Variants in ARID5B observed in about 807,000 individuals in gnomAD.
ARID5B encodes AT-rich interaction domain 5B, also known as AT-rich interactive domain-containing protein 5B.
A neutral mutation model predicts 97.2 loss-of-function variants in ARID5B; 13 were observed. The ratio of observed to expected loss-of-function variants is 0.13; its 90% confidence interval spans 0.09 to 0.21. ARID5B has a LOEUF of 0.21. ARID5B is among the 10% of genes least tolerant of loss of function. ARID5B has a pLI of 1.00. For synonymous variants in ARID5B, 556 were observed against 570.3 expected (o/e 0.97, Z 0.36); for missense variants, 1,210 against 1,465.3 (o/e 0.83, Z 2.84).
At chr10:61,978,636 T>G (rs867134748) in intron 3 of ARID5B, among the ~76,000 whole-genome samples, 1 of 152,120 alleles carries the variant, frequency 6.6e-6, no homozygotes, top group African/African-American at 2.4e-5. Flanking sequence ...TGAATGGGAG[T>G]TCACTCATGA....
chr10:62,089,366 T>C (rs974943032), intron 9 of ARID5B, among the ~76,000 whole-genome samples: 2 of 151,812 alleles, frequency 1.3e-5, no homozygotes, highest in African/African-American at 4.8e-5. Context: ...GTGAAATAGG[T>C]GTGATTTCTT....
At chr10:61,987,732 G>A (rs1838866773) in intron 3 of ARID5B, among the ~76,000 whole-genome samples, 1 of 152,152 alleles carries the variant, frequency 6.6e-6, no homozygotes, top group Non-Finnish European at 1.5e-5. Context: ...AACAGGTGTT[G>A]GGCTGAATTT....
Position 62,092,472 on chromosome 10 carries a change from G to T in ARID5B, c.3009G>T (p.Pro1003=). ...VHPILHRKMS[P]QNIGAARPIK... ...CAATCCTGCACCGGAAAATGAGCCC[G>T]CAGAACATTGGGGCGGCGCGGCCGA... The change falls in exon 10 of 10, where the codon CCG becomes CCT. Residue 1003 remains proline, a synonymous_variant. Transcript: ENST00000279873. The T allele has an allele frequency of 4.3e-6, 7 of 1,614,166 alleles. No individual in the cohort carries two copies. Among genetic ancestry groups the T allele is most frequent in the Non-Finnish European group, 5.9e-6 (7 of 1,180,018 alleles).
chr10:61,925,088 C>T (rs1844079982), intron 2 of ARID5B, among the ~76,000 whole-genome samples: 1 of 151,910 alleles, frequency 6.6e-6, no homozygotes, highest in Admixed American at 6.6e-5. Flanking sequence ...ACCTGTAATC[C>T]CAGCTACTCG....
chr10:61,928,092 C>T (rs2132779681), intron 2 of ARID5B, among the ~76,000 whole-genome samples: 1 of 152,216 alleles, frequency 6.6e-6, no homozygotes, highest in South Asian at 2.1e-4. Flanking sequence ...CTGGTGGCAT[C>T]CCTTTAAGGA....
chr10:62,028,987 A>G (rs1364793739), intron 4 of ARID5B, among the ~76,000 whole-genome samples: 1 of 151,368 alleles, frequency 6.6e-6, no homozygotes, highest in Non-Finnish European at 1.5e-5. Context: ...TCATAGAAGT[A>G]CAGTACCTGG....
intron 4 of ARID5B, among the ~76,000 whole-genome samples, chr10:62,004,697 TACAA>T (rs1839124252): frequency 6.6e-6 from 1 of 152,260 alleles, no homozygotes; most frequent in Non-Finnish European, 1.5e-5. Flanking sequence ...AACAAACACA[TACAA>T]ACATTTTTGT....
At chr10:61,909,148 T>C (rs1843755963) in intron 2 of ARID5B, among the ~76,000 whole-genome samples, 1 of 152,070 alleles carries the variant, frequency 6.6e-6, no homozygotes, top group Non-Finnish European at 1.5e-5. Context: ...CAGTGGTTGG[T>C]TGTAACCTGT....
At chr10:61,932,568 C>T (rs1049664862) in intron 2 of ARID5B, among the ~76,000 whole-genome samples, 1 of 151,958 alleles carries the variant, frequency 6.6e-6, no homozygotes, top group Non-Finnish European at 1.5e-5. Flanking sequence ...TGCCACCACA[C>T]CTGGCTAATT....
chr10:62,058,832 G>T (rs1839888541), intron 6 of ARID5B, among the ~76,000 whole-genome samples: 1 of 152,148 alleles, frequency 6.6e-6, no homozygotes, highest in African/African-American at 2.4e-5. Context: ...TATTGATTAT[G>T]GAGAGTTCTT....
chr10:62,069,629 A>G (rs1840036291), intron 7 of ARID5B, 71 bp from the exon 8 acceptor site: 15 of 1,323,514 alleles, frequency 1.1e-5, no homozygotes, highest in Non-Finnish European at 1.5e-5. Context: ...TGACTGTTGC[A>G]TATGTATTGA....
chr10:62,030,776 A>G (rs1839486677), intron 4 of ARID5B, among the ~76,000 whole-genome samples: 1 of 152,214 alleles, frequency 6.6e-6, no homozygotes, highest in South Asian at 2.1e-4. Context: ...TGTATTCAAC[A>G]ATAGTTGCCT....
intron 3 of ARID5B, among the ~76,000 whole-genome samples, chr10:61,994,554 G>A (rs189536797): frequency 6.6e-6 from 1 of 152,046 alleles, no homozygotes; most frequent in East Asian, 1.9e-4. Flanking sequence ...TTTGTACAAA[G>A]ACAACTTGAG....
At chr10:61,964,444 T>C (rs181990661) in intron 3 of ARID5B, among the ~76,000 whole-genome samples, 2 of 152,338 alleles carry the variant, frequency 1.3e-5, no homozygotes, top group East Asian at 3.9e-4. Context: ...TGTAGCTTAC[T>C]GAAATCCCAC....
intron 7 of ARID5B, among the ~76,000 whole-genome samples, chr10:62,066,750 G>T (rs1839994786): frequency 6.6e-6 from 1 of 152,122 alleles, no homozygotes; most frequent in Admixed American, 6.5e-5. Context: ...GTATCATAGG[G>T]CATTCCCTCG....
chr10:61,972,878 C>G (rs1053185349), intron 3 of ARID5B, among the ~76,000 whole-genome samples: 9 of 152,258 alleles, frequency 5.9e-5, no homozygotes, highest in African/African-American at 2.2e-4. Context: ...TATTGAAAAT[C>G]CCTCAATGAT....
At chr10:61,984,879 GA>G (rs1305373401) in intron 3 of ARID5B, among the ~76,000 whole-genome samples, 1 of 152,174 alleles carries the variant, frequency 6.6e-6, no homozygotes, top group African/African-American at 2.4e-5. Context: ...GGGGCAGGCA[GA>G]CCCACACATT....
At chr10:61,916,263 G>T (rs1843902020) in intron 2 of ARID5B, among the ~76,000 whole-genome samples, 1 of 151,982 alleles carries the variant, frequency 6.6e-6, no homozygotes, top group Admixed American at 6.6e-5. Flanking sequence ...TGCCATGTTG[G>T]CCAGGCTGGA....
chr10:61,987,141 T>C (rs1347559780), intron 3 of ARID5B, among the ~76,000 whole-genome samples: 1 of 152,124 alleles, frequency 6.6e-6, no homozygotes, highest in Non-Finnish European at 1.5e-5. Flanking sequence ...TCTCACTCTT[T>C]CCCACATGCG....
Sources: gnomAD v4.1 joint callset for allele counts (sites outside exome capture counted in the v4.1 genomes callset) on GRCh38, gnomAD v4.1.1 for gene constraint, MANE v1.5 for transcripts, NCBI Gene and HGNC (gene_info 2026-07-23, HGNC 2026-07-21) for gene names.